NKAIN2: variants seen among roughly 807,000 people sequenced by gnomAD.
NKAIN2 encodes the protein sodium/potassium transporting ATPase interacting 2.
A neutral mutation model predicts 32.6 loss-of-function variants in NKAIN2; 14 were observed. The observed-to-expected ratio is 0.43, with a 90% CI of 0.28 to 0.67. The LOEUF is 0.67. NKAIN2 is among the 30% of genes least tolerant of loss of function. The probability of loss-of-function intolerance (pLI) is 0.17; values close to 1 mark genes in which losing one functional copy is unlikely to be tolerated. For missense variants in NKAIN2, 198 were observed against 258.3 expected (o/e 0.77, Z 1.60); for synonymous variants, 80 against 87.2 (o/e 0.92, Z 0.46).
At chr6:124,563,553 CAATT>C (rs1220693390) in intron 3 of NKAIN2, among the ~76,000 whole-genome samples, 1 of 152,132 alleles carries the variant, frequency 6.6e-6, no homozygotes, top group Admixed American at 6.6e-5. Flanking sequence ...GGGTCTTTCA[CAATT>C]AAATGCAATC....
chr6:124,289,263 A>AT (rs901715649), intron 2 of NKAIN2, among the ~76,000 whole-genome samples: 3 of 151,960 alleles, frequency 2.0e-5, no homozygotes, highest in African/African-American at 4.8e-5. Flanking sequence ...GTTTTACTAC[A>AT]TTTTTTTTAA....
At chr6:124,609,274 A>C (rs34473391) in intron 3 of NKAIN2, among the ~76,000 whole-genome samples, 2,476 of 152,290 alleles carry the variant, frequency 0.016, 32 homozygotes, top group Middle Eastern at 0.041. Flanking sequence ...CCTTATTTGA[A>C]AAGTAAAATT....
At chr6:124,753,036 G>C (rs1053645276) in intron 4 of NKAIN2, among the ~76,000 whole-genome samples, 5 of 152,040 alleles carry the variant, frequency 3.3e-5, no homozygotes, top group African/African-American at 1.2e-4. Context: ...CACTGAAGAG[G>C]TCAGGTGAGG....
chr6:124,359,966 A>G (rs1799195485), intron 3 of NKAIN2, among the ~76,000 whole-genome samples: 1 of 152,146 alleles, frequency 6.6e-6, no homozygotes, highest in Non-Finnish European at 1.5e-5. Flanking sequence ...TAATTTATTG[A>G]GCGTTTTTAG....
rs571531183 is a variant in NKAIN2, at chr6:124,345,875, G to A, written c.193-9392G>A. On this transcript the variant is annotated intron_variant, in intron 2 of 6. Transcript: ENST00000368417. Reference sequence around the variant, plus strand: ...TTTTAGTTATTTCTGCCTTCTGCTAGCTTTTGAATGTGTTTGCTCTTGCTT... The same window carrying A: ...TTTTAGTTATTTCTGCCTTCTGCTAACTTTTGAATGTGTTTGCTCTTGCTT... 6.7e-4 allele frequency among the ~76,000 whole-genome samples: 102 copies of A among 152,222 alleles called. 1 individual carries two copies. The highest frequency in any genetic ancestry group is 6.5e-3 in the Admixed American group (99 of 15,290).
chr6:124,010,561 G>A (rs1420387458), intron 1 of NKAIN2, among the ~76,000 whole-genome samples: 3 of 150,078 alleles, frequency 2.0e-5, no homozygotes, highest in African/African-American at 7.4e-5. Context: ...GTCATAGCTA[G>A]GAGTGTGACC....
chr6:123,967,389 A>G (rs917201937), intron 1 of NKAIN2, among the ~76,000 whole-genome samples: 44 of 152,336 alleles, frequency 2.9e-4, no homozygotes, highest in African/African-American at 1.0e-3. Flanking sequence ...AGCCGAGTTC[A>G]CTGGGAAGCC....
chr6:124,066,862 TTGTG>T (rs10574288), intron 1 of NKAIN2, among the ~76,000 whole-genome samples: 26,107 of 149,352 alleles, frequency 0.17, 2,242 homozygotes, highest in Middle Eastern at 0.21. Flanking sequence ...TTTGCTGCGT[TTGTG>T]TGTGTGTGTG....
At chr6:124,589,647 CTG>C (rs1490166150) in intron 3 of NKAIN2, among the ~76,000 whole-genome samples, 8 of 152,068 alleles carry the variant, frequency 5.3e-5, no homozygotes, top group African/African-American at 1.2e-4. Context: ...AATGTAGAAA[CTG>C]TGTTGATATT....
intron 2 of NKAIN2, among the ~76,000 whole-genome samples, chr6:124,295,573 G>T (rs1393589723): frequency 6.6e-6 from 1 of 152,056 alleles, no homozygotes; most frequent in African/African-American, 2.4e-5. Context: ...TTAGGAAGGA[G>T]ATTAAAAAAC....
At chr6:124,512,933 A>C (rs540212055) in intron 3 of NKAIN2, among the ~76,000 whole-genome samples, 1 of 152,296 alleles carries the variant, frequency 6.6e-6, no homozygotes, top group African/African-American at 2.4e-5. Flanking sequence ...GACATTATAT[A>C]AAATCCAAAA....
chr6:124,180,464 C>T (rs1270889844), intron 1 of NKAIN2, among the ~76,000 whole-genome samples: 3 of 152,076 alleles, frequency 2.0e-5, no homozygotes, highest in Admixed American at 6.5e-5. Flanking sequence ...TACCTCCCAC[C>T]AGTTCCCTCC....
chr6:124,027,822 T>G (rs1035388582), intron 1 of NKAIN2, among the ~76,000 whole-genome samples: 3 of 152,198 alleles, frequency 2.0e-5, no homozygotes, highest in African/African-American at 7.2e-5. Flanking sequence ...CTCATTCTAC[T>G]GGTCTTATAT....
chr6:124,347,636 A>T (rs1026477065), intron 2 of NKAIN2, among the ~76,000 whole-genome samples: 2 of 152,106 alleles, frequency 1.3e-5, no homozygotes, highest in African/African-American at 4.8e-5. Context: ...TCAGCTCCTG[A>T]GGCTTCTGCA....
intron 1 of NKAIN2, among the ~76,000 whole-genome samples, chr6:124,232,141 G>A (rs1020831100): frequency 9.9e-5 from 15 of 152,042 alleles, no homozygotes; most frequent in African/African-American, 3.6e-4. Flanking sequence ...TTATCACTAG[G>A]CATGCCAACC....
At chr6:124,775,829 T>C (rs1778961690) in intron 4 of NKAIN2, among the ~76,000 whole-genome samples, 1 of 152,160 alleles carries the variant, frequency 6.6e-6, no homozygotes. Context: ...TTAATTGAAA[T>C]AATGATTTTT....
At chr6:124,456,755 T>C (rs1776338138) in intron 3 of NKAIN2, among the ~76,000 whole-genome samples, 1 of 151,996 alleles carries the variant, frequency 6.6e-6, no homozygotes, top group Non-Finnish European at 1.5e-5. Flanking sequence ...TATGATATCT[T>C]TCATCCTCAT....
chr6:124,158,529 G>T (rs1028948713), intron 1 of NKAIN2, among the ~76,000 whole-genome samples: 1 of 152,124 alleles, frequency 6.6e-6, no homozygotes, highest in South Asian at 2.1e-4. Flanking sequence ...CTATTTTATT[G>T]TATGTTACTA....
At chr6:124,099,775 A>G (rs982994969) in intron 1 of NKAIN2, among the ~76,000 whole-genome samples, 4 of 152,204 alleles carry the variant, frequency 2.6e-5, no homozygotes, top group Non-Finnish European at 4.4e-5. Context: ...GCTGCTAAAC[A>G]TCTTACAATG....
Sources: gnomAD v4.1 joint callset for allele counts (sites outside exome capture counted in the v4.1 genomes callset) on GRCh38, gnomAD v4.1.1 for gene constraint, MANE v1.5 for transcripts, NCBI Gene and HGNC (gene_info 2026-07-23, HGNC 2026-07-21) for gene names.